MBOAT2: variants seen among roughly 807,000 people sequenced by gnomAD.
MBOAT2 encodes the protein membrane bound glycerophospholipid O-acyltransferase 2, also known as membrane-bound glycerophospholipid O-acyltransferase 2.
MBOAT2 carries 28 observed loss-of-function variants against 63.4 expected under a neutral mutation model. The observed-to-expected ratio is 0.44, with a 90% CI of 0.33 to 0.61. MBOAT2 has a LOEUF of 0.61. Among genes scored for constraint, MBOAT2 ranks in the 20% least tolerant of loss-of-function variants. The pLI is 0.03. For synonymous variants in MBOAT2, 211 were observed against 215.6 expected, an observed-to-expected ratio of 0.98 and a Z score of 0.19; for missense variants, 470 against 605.8, an observed-to-expected ratio of 0.78 and a Z score of 2.35.
At chr2:8,958,250 T>C (rs1305782942) in intron 2 of MBOAT2, among the ~76,000 whole-genome samples, 3 of 152,234 alleles carry the variant, frequency 2.0e-5, no homozygotes, top group Non-Finnish European at 4.4e-5. Context: ...AATGCCTTTA[T>C]ATCCTCTTCA....
At chr2:8,925,409 T>C (rs1303069633) in intron 3 of MBOAT2, among the ~76,000 whole-genome samples, 2 of 152,260 alleles carry the variant, frequency 1.3e-5, no homozygotes, top group Non-Finnish European at 2.9e-5. Context: ...CAAGACTATG[T>C]GGGTTACAGT....
chr2:8,920,018 G>A (rs567216402), intron 3 of MBOAT2, among the ~76,000 whole-genome samples: 2 of 152,026 alleles, frequency 1.3e-5, no homozygotes, highest in East Asian at 1.9e-4. Context: ...CTCTTCCCTC[G>A]GCCTCCCAAA....
chr2:8,979,694 C>G (rs1405878954), intron 1 of MBOAT2, among the ~76,000 whole-genome samples: 7 of 152,142 alleles, frequency 4.6e-5, no homozygotes, highest in Admixed American at 4.6e-4. Flanking sequence ...TAATATTAAG[C>G]ATGAGTTTAA....
intron 3 of MBOAT2, among the ~76,000 whole-genome samples, chr2:8,940,790 CAT>C (rs1174602347): frequency 3.9e-5 from 6 of 151,958 alleles, no homozygotes; most frequent in Non-Finnish European, 1.5e-5. Flanking sequence ...CAAAAAAAAT[CAT>C]AAAACAGAGA....
chr2:8,941,740 G>A (rs1045646234), intron 3 of MBOAT2, among the ~76,000 whole-genome samples: 1 of 152,052 alleles, frequency 6.6e-6, no homozygotes, highest in Non-Finnish European at 1.5e-5. Context: ...AGTCACATGT[G>A]CACTAGTGGC....
intron 1 of MBOAT2, among the ~76,000 whole-genome samples, chr2:8,985,345 T>G (rs1671492524): frequency 6.6e-6 from 1 of 152,198 alleles, no homozygotes; most frequent in Admixed American, 6.5e-5. Flanking sequence ...TCAAACTAAC[T>G]TCTTATTCTG....
At chr2:8,982,157 A>T (rs978184356) in intron 1 of MBOAT2, among the ~76,000 whole-genome samples, 1 of 152,132 alleles carries the variant, frequency 6.6e-6, no homozygotes, top group Non-Finnish European at 1.5e-5. Flanking sequence ...GGCACATGAA[A>T]ACGCTAATGT....
chr2:8,876,140 CTT>C (rs948636935), intron 7 of MBOAT2, among the ~76,000 whole-genome samples: 3 of 152,326 alleles, frequency 2.0e-5, no homozygotes, highest in Middle Eastern at 3.4e-3. Context: ...CTAACAGAAA[CTT>C]AGCCTATACA....
intron 4 of MBOAT2, among the ~76,000 whole-genome samples, chr2:8,895,625 C>A (rs1451080882): frequency 1.3e-5 from 2 of 152,232 alleles, no homozygotes; most frequent in South Asian, 2.1e-4. Context: ...GCCAGCTTCA[C>A]CTCTCAATCC....
intron 7 of MBOAT2, among the ~76,000 whole-genome samples, chr2:8,874,303 A>G (rs1370339535): frequency 6.6e-6 from 1 of 152,074 alleles, no homozygotes; most frequent in Non-Finnish European, 1.5e-5. Context: ...TGTTATTCTC[A>G]TTTTCCATTG....
chr2:8,948,730 T>C (rs955672953), intron 2 of MBOAT2, among the ~76,000 whole-genome samples: 4 of 152,332 alleles, frequency 2.6e-5, no homozygotes, highest in Non-Finnish European at 4.4e-5. Flanking sequence ...ATTTTCTTCA[T>C]CCAGTCCAGC....
At chr2:8,956,858 A>G (rs1022261341) in intron 2 of MBOAT2, among the ~76,000 whole-genome samples, 3 of 152,170 alleles carry the variant, frequency 2.0e-5, no homozygotes, top group African/African-American at 7.2e-5. Context: ...ATTTCTAGGT[A>G]AAGAGATGCC....
At chr2:8,878,222 A>G (rs1296174126) in intron 6 of MBOAT2, among the ~76,000 whole-genome samples, 1 of 152,344 alleles carries the variant, frequency 6.6e-6, no homozygotes, top group East Asian at 1.9e-4. Context: ...CAAATGATAC[A>G]TGGTACCTAT....
In MBOAT2 at chr2:8,873,160, C is replaced by G. The variant is rs146116004; in HGVS notation, c.831G>C (p.Leu277=). 1.5e-5 allele frequency: 24 copies of G among 1,614,014 alleles called. No homozygotes were observed. The East Asian group carries it at 2.0e-4, about 13-fold the overall frequency. The change falls in exon 8 of 13, where the codon CTG becomes CTC. Residue 277 remains leucine, a synonymous_variant. Coordinates refer to ENST00000305997, the MANE Select transcript of MBOAT2 (RefSeq NM_138799.4). ...TASWPTKIIY[L]YISLLAARPK... ...GTCTGGCAGCCAAAAGAGAGATATA[C>G]AGATAGATAATCTTTGTTGGCCACG...
Position 8,973,614 on chromosome 2 carries a change from G to C in MBOAT2, c.76-14972C>G, listed in dbSNP as rs11676923. 7.9e-5 allele frequency among the ~76,000 whole-genome samples: 12 copies of C among 151,146 alleles called. No individual in the cohort carries two copies. In the East Asian group the frequency reaches 1.9e-3, roughly 24 times the overall value. ...CAAGAGCTAATTTCTTTAATCTATCGGAAGCTCCCACATATCAATAATAAA... is the reference window on the plus strand; with the variant it reads ...CAAGAGCTAATTTCTTTAATCTATCCGAAGCTCCCACATATCAATAATAAA... On this transcript the variant is annotated intron_variant, in intron 1 of 12. Coordinates refer to ENST00000305997, the MANE Select transcript of MBOAT2 (RefSeq NM_138799.4).
intron 3 of MBOAT2, among the ~76,000 whole-genome samples, chr2:8,914,399 C>T (rs1665997700): frequency 6.6e-6 from 1 of 151,630 alleles, no homozygotes. Flanking sequence ...AACTACTTTA[C>T]TAAATAGGAC....
At chr2:8,914,934 CT>C (rs938665533) in intron 3 of MBOAT2, among the ~76,000 whole-genome samples, 5,068 of 60,096 alleles carry the variant, frequency 0.084, 15 homozygotes, top group African/African-American at 0.11. Flanking sequence ...CTGGAAATTT[CT>C]TTTTTTTTTT....
At chr2:8,879,214 T>A (rs549353890) in intron 6 of MBOAT2, among the ~76,000 whole-genome samples, 3 of 152,318 alleles carry the variant, frequency 2.0e-5, no homozygotes, top group African/African-American at 7.2e-5. Context: ...GCTTTCTCAC[T>A]GTATCAAAGA....
chr2:8,857,545 A>T lies in MBOAT2; in HGVS notation c.*1134T>A, dbSNP rs745929251. The T allele has an allele frequency of 6.6e-6, 1 of 152,250 alleles. No individual in the cohort carries two copies. The highest frequency in any genetic ancestry group is 2.4e-5 in the African/African-American group (1 of 41,468). The allele number at this position is 152,250 out of a possible 1,614,324, so 9.4% of individuals were successfully genotyped here. A position where few individuals can be genotyped will look rare whatever the true frequency, so the allele number is the denominator to read the frequency against. ...TTGAAACTGAATTTATATTATTCTTAAAAAATGTCACCCAGACTCAGTGAC... is the reference window on the plus strand; with the variant it reads ...TTGAAACTGAATTTATATTATTCTTTAAAAATGTCACCCAGACTCAGTGAC... On this transcript the variant is annotated 3_prime_UTR_variant, in exon 13 of 13. Coordinates refer to ENST00000305997, the MANE Select transcript of MBOAT2 (RefSeq NM_138799.4).
Sources: allele counts gnomAD v4.1 joint callset (sites outside exome capture counted in the v4.1 genomes callset), GRCh38; gene constraint gnomAD v4.1.1; transcripts MANE v1.5; gene names NCBI Gene and HGNC (gene_info 2026-07-23, HGNC 2026-07-21).